The following FAM184A variants were observed in gnomAD, a reference collection of about 807,000 sequenced individuals.
FAM184A encodes the protein family with sequence similarity 184 member A.
In FAM184A, 99 loss-of-function variants were observed where a neutral mutation model predicts 143.8. That is an observed-to-expected ratio of 0.69 (90% CI 0.58 to 0.81). The LOEUF (loss-of-function observed/expected upper bound fraction) is 0.81, where lower values mean the gene tolerates loss of function less well. Among genes scored for constraint, FAM184A ranks in the 40% least tolerant of loss-of-function variants. FAM184A has a pLI of 0.00. For missense variants in FAM184A, 1,217 were observed against 1,310.5 expected, an observed-to-expected ratio of 0.93 and a Z score of 1.10; for synonymous variants, 427 against 446.4, an observed-to-expected ratio of 0.96 and a Z score of 0.55.
chr6:119,010,558 T>G (rs892859264), intron 6 of FAM184A, among the ~76,000 whole-genome samples: 3 of 152,210 alleles, frequency 2.0e-5, no homozygotes, highest in Non-Finnish European at 4.4e-5. Context: ...TTGTAAATAC[T>G]CTTAAAAGTG....
In FAM184A at chr6:119,020,130, T is replaced by C. The variant is rs751761744; in HGVS notation, c.1180A>G (p.Met394Val). The change falls in exon 4 of 18, where the codon ATG (methionine) becomes GTG (valine). Residue 394 changes from methionine to valine, a missense_variant. By Grantham distance (21) the Met-to-Val change is conservative. Transcript: ENST00000338891. ...SHIGMLQATQ[M>V]TQEVTIKDLE... ...TCTTTAATTGTAACTTCCTGGGTCA[T>C]TTGAGTTGCTTGAAGCATTCCAATA... 3 of 1,598,364 alleles carry C rather than the reference T, an allele frequency of 1.9e-6. No homozygotes were observed. Among genetic ancestry groups the C allele is most frequent in the Non-Finnish European group, 2.6e-6 (3 of 1,175,264 alleles).
chr6:119,061,514 C>A (rs1787239432), intron 1 of FAM184A, among the ~76,000 whole-genome samples: 1 of 148,018 alleles, frequency 6.8e-6, no homozygotes, highest in Non-Finnish European at 1.5e-5. Flanking sequence ...TGCTACCATG[C>A]CTGGCTAATT....
At chr6:119,033,766 T>C (rs895614080) in intron 1 of FAM184A, among the ~76,000 whole-genome samples, 145 of 149,158 alleles carry the variant, frequency 9.7e-4, no homozygotes, top group African/African-American at 3.5e-3. Context: ...CCCAGATGGG[T>C]GGATCACCTG....
At chr6:119,071,786 C>T (rs1055057591) in intron 1 of FAM184A, among the ~76,000 whole-genome samples, 6 of 151,462 alleles carry the variant, frequency 4.0e-5, no homozygotes, top group African/African-American at 1.2e-4. Flanking sequence ...CAAATGGCAC[C>T]GAGCCCTCAC....
intron 11 of FAM184A, 23 bp from the exon 12 acceptor site, chr6:118,976,067 C>T (rs1384032176): frequency 3.1e-6 from 5 of 1,600,248 alleles, no homozygotes; most frequent in African/African-American, 2.7e-5. Context: ...GGCAAAAATA[C>T]ATTTGGCACA....
chr6:119,012,815 G>A (rs984657906), intron 5 of FAM184A, among the ~76,000 whole-genome samples: 1 of 152,316 alleles, frequency 6.6e-6, no homozygotes, highest in Non-Finnish European at 1.5e-5. Flanking sequence ...GGGCCAACTT[G>A]CCTTTCTAAG....
chr6:119,037,054 G>A (rs1332977882), intron 1 of FAM184A, among the ~76,000 whole-genome samples: 1 of 152,174 alleles, frequency 6.6e-6, no homozygotes, highest in Non-Finnish European at 1.5e-5. Flanking sequence ...GAGTGCCATG[G>A]AATGTCAGTT....
intron 1 of FAM184A, among the ~76,000 whole-genome samples, chr6:119,071,395 T>G (rs1378735322): frequency 6.6e-6 from 1 of 152,188 alleles, no homozygotes; most frequent in African/African-American, 2.4e-5. Flanking sequence ...TAATGTTATT[T>G]TAAATACGTT....
At chr6:119,084,076 GGAGAGAGAGA>G (rs1156368493) in intron 1 of FAM184A, among the ~76,000 whole-genome samples, 6 of 151,200 alleles carry the variant, frequency 4.0e-5, no homozygotes, top group Non-Finnish European at 8.8e-5. Context: ...CATTGTGGCA[GGAGAGAGAGA>G]GAGAGAAAGA....
intron 6 of FAM184A, chr6:119,011,063 T>C (rs1302160174): frequency 1.7e-5 from 6 of 347,730 alleles, no homozygotes; most frequent in African/African-American, 8.8e-5. Context: ...TCTTTTCCTA[T>C]GTGGTGATAT....
intron 11 of FAM184A, among the ~76,000 whole-genome samples, chr6:118,976,439 G>A (rs1439343136): frequency 1.3e-5 from 2 of 151,990 alleles, no homozygotes; most frequent in African/African-American, 4.8e-5. Flanking sequence ...GAGGTGGGTG[G>A]ATCACCTGAG....
At chr6:119,113,509 AC>A (rs746373728) in intron 1 of FAM184A, among the ~76,000 whole-genome samples, 4 of 151,958 alleles carry the variant, frequency 2.6e-5, no homozygotes, top group Non-Finnish European at 4.4e-5. Flanking sequence ...CTCATACCAT[AC>A]AACTATAGTT....
At chr6:119,030,752 T>C (rs549950553) in intron 1 of FAM184A, among the ~76,000 whole-genome samples, 1 of 152,106 alleles carries the variant, frequency 6.6e-6, no homozygotes, top group South Asian at 2.1e-4. Context: ...CCCATAAAAT[T>C]GGCTATTTTT....
At chr6:119,074,189 G>C (rs942644866) in intron 1 of FAM184A, among the ~76,000 whole-genome samples, 2 of 152,204 alleles carry the variant, frequency 1.3e-5, no homozygotes, top group Non-Finnish European at 2.9e-5. Flanking sequence ...TCAAGTAAAA[G>C]TTTGCTGCTC....
At chr6:119,124,225 CAACTT>C (rs1215452462) in intron 1 of FAM184A, among the ~76,000 whole-genome samples, 1 of 152,160 alleles carries the variant, frequency 6.6e-6, no homozygotes, top group Admixed American at 6.5e-5. Flanking sequence ...TGGCCTCAAA[CAACTT>C]AAATTCTGGC....
At chr6:119,089,099 G>T (rs556128406) in intron 1 of FAM184A, among the ~76,000 whole-genome samples, 10 of 149,872 alleles carry the variant, frequency 6.7e-5, no homozygotes, top group African/African-American at 2.0e-4. Context: ...TGTCACCCAG[G>T]CAGGAACTCT....
At chr6:119,091,161 A>C (rs1424388035) in intron 1 of FAM184A, among the ~76,000 whole-genome samples, 1 of 152,136 alleles carries the variant, frequency 6.6e-6, no homozygotes, top group Admixed American at 6.5e-5. Context: ...GATACAAGTC[A>C]TTTTTCTCCC....
In FAM184A at chr6:119,017,019, A is replaced by G. The variant is rs77357156; in HGVS notation, c.1333-75T>C. On this transcript the variant is annotated intron_variant, in intron 4 of 17. Coordinates refer to ENST00000338891, the MANE Select transcript of FAM184A (RefSeq NM_024581.6). ...GTTATTAGGGTAATTTGAATACCCT[A>G]TAAATATGGAAGCTTGAATAAACTG... The G allele has an allele frequency of 2.2e-3, 2,062 of 942,676 alleles. 23 individuals carry two copies. In the African/African-American group the frequency reaches 0.029, roughly 13 times the overall value. 58.4% of individuals were successfully genotyped at this position (942,676 alleles called of 1,614,324 possible).
At chr6:119,043,961 G>T (rs989641425) in intron 1 of FAM184A, among the ~76,000 whole-genome samples, 1 of 152,218 alleles carries the variant, frequency 6.6e-6, no homozygotes, top group Non-Finnish European at 1.5e-5. Context: ...AGAAAAGGAA[G>T]AGTAAATGAA....
Sources: allele counts gnomAD v4.1 joint callset (sites outside exome capture counted in the v4.1 genomes callset), GRCh38; gene constraint gnomAD v4.1.1; transcripts MANE v1.5; gene names NCBI Gene and HGNC (gene_info 2026-07-23, HGNC 2026-07-21).